NOL4: variants seen among roughly 807,000 people sequenced by gnomAD.
The protein encoded by NOL4 is cancer/testis antigen 125.
NOL4 carries 17 observed loss-of-function variants against 75.9 expected under a neutral mutation model. The observed-to-expected ratio is 0.22, with a 90% CI of 0.15 to 0.34. The LOEUF is 0.34. Ranked by LOEUF, NOL4 falls within the 10% of genes least tolerant of loss-of-function variation. The pLI is 1.00. For missense variants in NOL4, 614 were observed against 793.5 expected (o/e 0.77, Z 2.72); for synonymous variants, 292 against 289.9 (o/e 1.01, Z -0.07).
chr18:34,140,904 G>C (rs1353195050), intron 1 of NOL4, among the ~76,000 whole-genome samples: 1 of 151,912 alleles, frequency 6.6e-6, no homozygotes, highest in Admixed American at 6.6e-5. Flanking sequence ...GCATTTGCTT[G>C]TCTAACAATG....
intron 9 of NOL4, among the ~76,000 whole-genome samples, chr18:33,896,906 A>G (rs1338276027): frequency 2.0e-5 from 3 of 152,226 alleles, no homozygotes; most frequent in African/African-American, 4.8e-5. Flanking sequence ...TCTATAAGGA[A>G]CTTAAAATTT....
At chr18:33,890,718 G>T (rs570681748) in intron 9 of NOL4, among the ~76,000 whole-genome samples, 8 of 152,154 alleles carry the variant, frequency 5.3e-5, no homozygotes, top group African/African-American at 1.9e-4. Flanking sequence ...GATAGTAAGG[G>T]AGTTTAACTT....
At chr18:34,154,459 C>T (rs1387550805) in intron 1 of NOL4, among the ~76,000 whole-genome samples, 1 of 151,760 alleles carries the variant, frequency 6.6e-6, no homozygotes, top group Non-Finnish European at 1.5e-5. Context: ...CTCGTGTTGC[C>T]TATTTTGTTA....
At chr18:34,023,734 G>A in intron 5 of NOL4, 1 of 254,762 alleles carries the variant, frequency 3.9e-6, no homozygotes, top group South Asian at 4.5e-5. Flanking sequence ...GACGTCGGGA[G>A]TTAACTTGTT....
chr18:34,042,033 T>C (rs1026057854), intron 5 of NOL4, among the ~76,000 whole-genome samples: 2 of 152,034 alleles, frequency 1.3e-5, no homozygotes, highest in Non-Finnish European at 2.9e-5. Flanking sequence ...AAATTATACA[T>C]AGGCATGAAG....
intron 5 of NOL4, among the ~76,000 whole-genome samples, chr18:34,084,987 T>C (rs191449395): frequency 5.1e-4 from 78 of 152,270 alleles, no homozygotes; most frequent in African/African-American, 1.8e-3. Context: ...TGGTGTTCAG[T>C]TTACGGTAAG....
chr18:34,165,956 A>T (rs977817991), intron 1 of NOL4, among the ~76,000 whole-genome samples: 2 of 152,110 alleles, frequency 1.3e-5, no homozygotes, highest in Admixed American at 6.6e-5. Context: ...AGAATGTTTA[A>T]GCTGTAACTG....
At chr18:34,024,419 C>A (rs776316888) in intron 5 of NOL4, among the ~76,000 whole-genome samples, 2 of 151,004 alleles carry the variant, frequency 1.3e-5, no homozygotes, top group Non-Finnish European at 3.0e-5. Context: ...ATGTAAATAG[C>A]CTTGCTGAAA....
At chr18:33,860,557 T>G (rs1315991968) in intron 10 of NOL4, among the ~76,000 whole-genome samples, 1 of 152,190 alleles carries the variant, frequency 6.6e-6, no homozygotes, top group Non-Finnish European at 1.5e-5. Context: ...GTTTTCTAGA[T>G]ATAGAATCAT....
intron 9 of NOL4, among the ~76,000 whole-genome samples, chr18:33,906,402 G>A (rs985874631): frequency 1.8e-4 from 28 of 152,110 alleles, no homozygotes; most frequent in Non-Finnish European, 3.2e-4. Flanking sequence ...CATGTTCTTA[G>A]TTTGCTAGCT....
intron 9 of NOL4, among the ~76,000 whole-genome samples, chr18:33,934,620 C>G (rs572730169): frequency 8.9e-4 from 136 of 152,252 alleles, no homozygotes; most frequent in Middle Eastern, 3.4e-3. Context: ...CTGGCAATGG[C>G]CACTTTCCTT....
chr18:34,043,207 T>C (rs1261270247), intron 5 of NOL4, among the ~76,000 whole-genome samples: 2 of 152,068 alleles, frequency 1.3e-5, no homozygotes, highest in Admixed American at 6.6e-5. Context: ...AGCAGATCCA[T>C]AGTGGGGGTT....
At chr18:34,059,094 C>CAT (rs1390548887) in intron 5 of NOL4, among the ~76,000 whole-genome samples, 2 of 140,284 alleles carry the variant, frequency 1.4e-5, no homozygotes, top group African/African-American at 5.2e-5. Context: ...AAAAATCACA[C>CAT]ATATATATAG....
intron 1 of NOL4, among the ~76,000 whole-genome samples, chr18:34,157,762 C>T (rs957163584): frequency 3.3e-5 from 5 of 151,986 alleles, no homozygotes; most frequent in Admixed American, 6.6e-5. Context: ...AGATCAAGAG[C>T]GTCAAATTCT....
intron 10 of NOL4, among the ~76,000 whole-genome samples, chr18:33,862,411 T>C (rs2063192376): frequency 6.6e-6 from 1 of 152,064 alleles, no homozygotes; most frequent in South Asian, 2.1e-4. Flanking sequence ...GAAGCCAAAA[T>C]TGACAAATGG....
At chr18:34,112,364 C>T (rs1600633053) in intron 2 of NOL4, among the ~76,000 whole-genome samples, 1 of 148,826 alleles carries the variant, frequency 6.7e-6, no homozygotes, top group South Asian at 2.1e-4. Flanking sequence ...GTGAGACTGT[C>T]CCCCCCCAAA....
chr18:34,194,226 C>T (rs1225821722), intron 1 of NOL4, among the ~76,000 whole-genome samples: 1 of 151,982 alleles, frequency 6.6e-6, no homozygotes, highest in African/African-American at 2.4e-5. Context: ...TTAGTATTCT[C>T]ATCACAAAAA....
At chr18:34,116,401 T>C (rs2079860742) in intron 2 of NOL4, among the ~76,000 whole-genome samples, 1 of 152,202 alleles carries the variant, frequency 6.6e-6, no homozygotes, top group Non-Finnish European at 1.5e-5. Flanking sequence ...AATGGTACTT[T>C]AAGAAGCCCT....
chr18:34,027,564 T>G (rs1394875951), intron 5 of NOL4, among the ~76,000 whole-genome samples: 1 of 152,240 alleles, frequency 6.6e-6, no homozygotes, highest in African/African-American at 2.4e-5. Flanking sequence ...TGCATAAAGC[T>G]ATAAATTAAT....
Sources: gnomAD v4.1 joint callset for allele counts (sites outside exome capture counted in the v4.1 genomes callset) on GRCh38, gnomAD v4.1.1 for gene constraint, MANE v1.5 for transcripts, NCBI Gene and HGNC (gene_info 2026-07-23, HGNC 2026-07-21) for gene names.